IL1RAPL1: variants seen among roughly 807,000 people sequenced by gnomAD.
IL1RAPL1 encodes the protein interleukin-1 receptor accessory protein-like 1.
Under a neutral mutation model 48.4 loss-of-function variants are expected in IL1RAPL1, and 3 were observed. The ratio of observed to expected loss-of-function variants is 0.06; its 90% CI spans 0.03 to 0.16. IL1RAPL1 has a LOEUF of 0.16. Among genes scored for constraint, IL1RAPL1 ranks in the 10% least tolerant of loss-of-function variants. IL1RAPL1 has a pLI of 1.00. For missense variants in IL1RAPL1, 349 were observed against 530.6 expected (o/e 0.66, Z 3.36); for synonymous variants, 185 against 187.7 (o/e 0.99, Z 0.12).
intron 5 of IL1RAPL1, among the ~76,000 whole-genome samples, chrX:29,561,223 T>C (rs1922184969): frequency 8.9e-6 from 1 of 112,410 alleles, no homozygotes; most frequent in South Asian, 3.7e-4. Flanking sequence ...GTTAATTGCC[T>C]TCTCCCAGTC....
chrX:29,069,743 A>G (rs1265780150), intron 2 of IL1RAPL1, among the ~76,000 whole-genome samples: 1 of 110,721 alleles, frequency 9.0e-6, no homozygotes, highest in East Asian at 2.8e-4. Context: ...CCTATCAAAC[A>G]TCCAATTCTT....
chrX:29,582,408 C>G (rs1183604912), intron 5 of IL1RAPL1, among the ~76,000 whole-genome samples: 3 of 74,423 alleles, frequency 4.0e-5, no homozygotes, highest in African/African-American at 1.5e-4. Context: ...TTTTTTTTAT[C>G]ATACTTTAAG....
At chrX:28,855,000 G>A (rs1921766846) in intron 2 of IL1RAPL1, among the ~76,000 whole-genome samples, 3 of 108,485 alleles carry the variant, frequency 2.8e-5, no homozygotes, top group African/African-American at 1.0e-4. Flanking sequence ...TATTTGACAT[G>A]CACAGCATCT....
intron 2 of IL1RAPL1, among the ~76,000 whole-genome samples, chrX:29,167,946 A>T (rs1363321572): frequency 9.0e-6 from 1 of 111,159 alleles, no homozygotes; most frequent in Non-Finnish European, 1.9e-5. Context: ...GTACTATACT[A>T]AAAAGCGATT....
intron 1 of IL1RAPL1, among the ~76,000 whole-genome samples, chrX:28,684,303 T>G (rs1935090736): frequency 8.9e-6 from 1 of 111,830 alleles, no homozygotes; most frequent in Non-Finnish European, 1.9e-5. Context: ...CAAATAGTGG[T>G]CTTGGCATAT....
chrX:29,780,043 G>A (rs978345163), intron 6 of IL1RAPL1, among the ~76,000 whole-genome samples: 1 of 110,712 alleles, frequency 9.0e-6, no homozygotes. Flanking sequence ...GTTTGCTGAC[G>A]AAGGGTGTAT....
At chrX:28,878,406 G>GT (rs1282671056) in intron 2 of IL1RAPL1, among the ~76,000 whole-genome samples, 2 of 111,881 alleles carry the variant, frequency 1.8e-5, no homozygotes, top group Non-Finnish European at 3.8e-5. Flanking sequence ...TTTTCCTAAC[G>GT]TAAGTCAATG....
intron 3 of IL1RAPL1, among the ~76,000 whole-genome samples, chrX:29,314,924 C>T (rs1275900027): frequency 8.9e-6 from 1 of 112,061 alleles, no homozygotes; most frequent in Admixed American, 9.5e-5. Context: ...TACTCAATAA[C>T]TTGTACTTAT....
At chrX:29,568,482 GA>G (rs1368012042) in intron 5 of IL1RAPL1, among the ~76,000 whole-genome samples, 1 of 110,379 alleles carries the variant, frequency 9.1e-6, no homozygotes, top group Non-Finnish European at 1.9e-5. Context: ...AGCTTTTTGA[GA>G]AAAAAGTAGC....
intron 3 of IL1RAPL1, among the ~76,000 whole-genome samples, chrX:29,319,148 G>GTCTA (rs199588512): frequency 1.4e-3 from 115 of 84,180 alleles, no homozygotes; most frequent in African/African-American, 3.5e-3. Context: ...TATGATATCT[G>GTCTA]TCTATCTGTC....
At chrX:29,778,895 G>A (rs146225559) in intron 6 of IL1RAPL1, among the ~76,000 whole-genome samples, 6,670 of 111,501 alleles carry the variant, frequency 0.06, 213 homozygotes, top group Non-Finnish European at 0.094. Flanking sequence ...ATAATTTGGG[G>A]GAAAGAGTGT....
chrX:28,749,639 A>T (rs909550985), intron 1 of IL1RAPL1, among the ~76,000 whole-genome samples: 1 of 111,701 alleles, frequency 9.0e-6, no homozygotes, highest in African/African-American at 3.3e-5. Flanking sequence ...GTTCTTATAT[A>T]TTCTGGATAT....
At chrX:28,977,843 G>C (rs777644230) in intron 2 of IL1RAPL1, among the ~76,000 whole-genome samples, 1 of 111,850 alleles carries the variant, frequency 8.9e-6, no homozygotes, top group Admixed American at 9.5e-5. Context: ...TGTAATCCCA[G>C]CTACTCTGGA....
chrX:29,810,515 A>G (rs1930360095), intron 6 of IL1RAPL1, among the ~76,000 whole-genome samples: 1 of 111,719 alleles, frequency 9.0e-6, no homozygotes, highest in Non-Finnish European at 1.9e-5. Context: ...ATCCTTTTTC[A>G]GATTCATTAG....
intron 6 of IL1RAPL1, among the ~76,000 whole-genome samples, chrX:29,846,432 A>T (rs1463682272): frequency 9.0e-6 from 1 of 111,522 alleles, no homozygotes; most frequent in Non-Finnish European, 1.9e-5. Context: ...AAAACTTGCA[A>T]TATGTGTGCC....
At chrX:29,157,907 G>T (rs1929599826) in intron 2 of IL1RAPL1, among the ~76,000 whole-genome samples, 1 of 111,594 alleles carries the variant, frequency 9.0e-6, no homozygotes, top group Non-Finnish European at 1.9e-5. Context: ...TAAATCATAT[G>T]AAGAGTTTAA....
rs1292677885 is a variant in IL1RAPL1, at chrX:28,722,474, G to C, written c.-24-66846G>C. Among the ~76,000 whole-genome samples the C allele has an allele frequency of 3.6e-5, 4 of 111,841 alleles. No homozygotes were observed. The South Asian group carries it at 1.5e-3, about 42-fold the overall frequency. On this transcript the variant is annotated intron_variant, in intron 1 of 10. Transcript: ENST00000378993. ...GAGACTTTGCTGAAGTTGCTTATCA[G>C]CTTAAGGAGATTTTGGGCTGAGACG... is the stretch of plus-strand genomic sequence containing the variant.
intron 2 of IL1RAPL1, among the ~76,000 whole-genome samples, chrX:29,210,467 G>A (rs1017012007): frequency 3.6e-5 from 4 of 111,964 alleles, no homozygotes; most frequent in Non-Finnish European, 5.6e-5. Flanking sequence ...TCTTAAGGAA[G>A]GGATAGTCAA....
chrX:28,837,148 C>G (rs993863315), intron 2 of IL1RAPL1, among the ~76,000 whole-genome samples: 10 of 111,323 alleles, frequency 9.0e-5, no homozygotes, highest in Non-Finnish European at 1.3e-4. Context: ...TTAAATCACA[C>G]TAATATAGGC....
Sources: gnomAD v4.1 joint callset for allele counts (sites outside exome capture counted in the v4.1 genomes callset) on GRCh38, gnomAD v4.1.1 for gene constraint, MANE v1.5 for transcripts, NCBI Gene and HGNC (gene_info 2026-07-23, HGNC 2026-07-21) for gene names.